The following GALNT14 variants were observed in gnomAD, a reference collection of about 807,000 sequenced individuals.
GALNT14 encodes the protein polypeptide N-acetylgalactosaminyltransferase 14, also known as UDP-GalNAc:polypeptide N-acetylgalactosaminyltransferase 14.
GALNT14 carries 60 observed loss-of-function variants against 77.5 expected under a neutral mutation model. That is an observed-to-expected ratio of 0.77 (90% CI 0.63 to 0.96). The LOEUF (loss-of-function observed/expected upper bound fraction) is 0.96, where lower values mean the gene tolerates loss of function less well. Among genes scored for constraint, GALNT14 ranks in the 40% least tolerant of loss-of-function variants. The pLI, the probability that GALNT14 is intolerant of heterozygous loss-of-function variation, is 0.00. For missense variants in GALNT14, 710 were observed against 731.0 expected (o/e 0.97, Z 0.33); for synonymous variants, 280 against 281.7 (o/e 0.99, Z 0.06).
intron 1 of GALNT14, among the ~76,000 whole-genome samples, chr2:31,061,473 C>T (rs889362767): frequency 9.9e-5 from 15 of 152,198 alleles, no homozygotes; most frequent in African/African-American, 3.6e-4. Context: ...TTTTTCCTCA[C>T]TCCAACATGC....
intron 11 of GALNT14, among the ~76,000 whole-genome samples, chr2:30,926,743 A>AG: frequency 8.3e-6 from 1 of 119,786 alleles, no homozygotes. Flanking sequence ...GGGACACCAG[A>AG]GGGGCCGGGG....
At chr2:31,005,279 T>G (rs750606627) in intron 1 of GALNT14, among the ~76,000 whole-genome samples, 1 of 151,768 alleles carries the variant, frequency 6.6e-6, no homozygotes, top group African/African-American at 2.4e-5. Flanking sequence ...TGTGTGGGGG[T>G]GGGGAGTGGA....
intron 3 of GALNT14, among the ~76,000 whole-genome samples, chr2:30,960,955 G>T (rs1056806252): frequency 5.3e-5 from 8 of 152,242 alleles, no homozygotes; most frequent in Non-Finnish European, 8.8e-5. Flanking sequence ...CTAGAACAGA[G>T]TCTTCTATAT....
chr2:31,090,923 G>A (rs1047590615), intron 1 of GALNT14, among the ~76,000 whole-genome samples: 2 of 152,194 alleles, frequency 1.3e-5, no homozygotes, highest in Non-Finnish European at 2.9e-5. Context: ...TACAAAGTGA[G>A]TACTAATTCA....
chr2:31,014,899 G>T (rs554739507), intron 1 of GALNT14, among the ~76,000 whole-genome samples: 23 of 152,314 alleles, frequency 1.5e-4, no homozygotes, highest in African/African-American at 5.3e-4. Flanking sequence ...ACATGAGACA[G>T]AAGTGTAAAT....
At chr2:30,987,114 A>C (rs1174800817) in intron 2 of GALNT14, 1 of 152,226 alleles carries the variant, frequency 6.6e-6, no homozygotes, top group Non-Finnish European at 1.5e-5. Context: ...GGATGTGCTG[A>C]AAGCCACTCA....
rs571140673 is a variant in GALNT14 at position 31,042,447 on chromosome 2, AG to A, written c.130-49441del. ...CATCTGAATTGGTGAAGAAAAAAGAAGGAGGGCTCAGACATAGTGTGGGGTC... is the reference window on the plus strand; with the variant it reads ...CATCTGAATTGGTGAAGAAAAAAGAAGAGGGCTCAGACATAGTGTGGGGTC... On this transcript the variant is annotated intron_variant, in intron 1 of 14. Coordinates refer to ENST00000349752, the MANE Select transcript of GALNT14 (RefSeq NM_024572.4). 9.4e-4 allele frequency among the ~76,000 whole-genome samples: 143 copies of A among 152,308 alleles called. 1 individual carries two copies. Among genetic ancestry groups the A allele is most frequent in the South Asian group, 1.7e-3 (8 of 4,820 alleles).
chr2:30,933,518 G>A lies in GALNT14; in HGVS notation c.932-1324C>T, dbSNP rs549897896. Among the ~76,000 whole-genome samples, 148 of 152,238 alleles carry A rather than the reference G, an allele frequency of 9.7e-4. 2 individuals are homozygous for A. In the Middle Eastern group the frequency reaches 0.027, roughly 28 times the overall value. On this transcript the variant is annotated intron_variant, in intron 9 of 14. Coordinates refer to ENST00000349752, the MANE Select transcript of GALNT14 (RefSeq NM_024572.4). ...ACCTGTCTCCTCCCACGTTTCCTTGGAAAGGCCCCTGGACTGAGGTAAGAC... is the reference window on the plus strand; with the variant it reads ...ACCTGTCTCCTCCCACGTTTCCTTGAAAAGGCCCCTGGACTGAGGTAAGAC...
intron 1 of GALNT14, among the ~76,000 whole-genome samples, chr2:31,011,447 A>C (rs1170947860): frequency 1.3e-5 from 2 of 152,094 alleles, no homozygotes; most frequent in Non-Finnish European, 2.9e-5. Flanking sequence ...TCCCACCTAT[A>C]AAATATAGGG....
In GALNT14 at chr2:31,042,231, T is replaced by C. The variant is rs1324855579; in HGVS notation, c.130-49224A>G. On this transcript the variant is annotated intron_variant, in intron 1 of 14. Transcript: ENST00000349752. The stretch of plus-strand genomic sequence containing the variant: ...TTAAATAGTTAGCTCCCCTGGTGAA[T>C]ATAAAATAGGCTTTACTATTTTTTT... Among the ~76,000 whole-genome samples, 11 of 152,342 alleles carry C rather than the reference T, an allele frequency of 7.2e-5. No individual in the cohort carries two copies. The East Asian group carries it at 1.9e-3, about 27-fold the overall frequency.
At chr2:30,914,199 T>C (rs1664534446) in intron 13 of GALNT14, among the ~76,000 whole-genome samples, 1 of 152,216 alleles carries the variant, frequency 6.6e-6, no homozygotes, top group East Asian at 1.9e-4. Context: ...ATCCTCATTT[T>C]ATAGATGATG....
intron 8 of GALNT14, among the ~76,000 whole-genome samples, chr2:30,942,818 T>A (rs1265983478): frequency 2.0e-5 from 3 of 152,136 alleles, no homozygotes; most frequent in Non-Finnish European, 2.9e-5. Flanking sequence ...TATGCCTCTG[T>A]TATGGGTTGA....
intron 7 of GALNT14, 49 bp downstream of exon 7, chr2:30,945,734 G>C (rs770104234): frequency 6.9e-7 from 1 of 1,449,798 alleles, no homozygotes; most frequent in South Asian, 1.1e-5. Flanking sequence ...AGCAGTGACT[G>C]AGAGGAAAAG....
intron 1 of GALNT14, among the ~76,000 whole-genome samples, chr2:31,031,054 A>G (rs1280743015): frequency 2.6e-5 from 4 of 152,198 alleles, no homozygotes; most frequent in East Asian, 1.9e-4. Context: ...CCAATTGTAC[A>G]ATTCGAATAT....
intron 1 of GALNT14, among the ~76,000 whole-genome samples, chr2:30,996,239 A>C (rs1670022174): frequency 6.6e-6 from 1 of 152,234 alleles, no homozygotes; most frequent in African/African-American, 2.4e-5. Context: ...GAGAAAAAAA[A>C]TCTGTTCAGG....
chr2:30,892,135 G>A, the GALNT14 span, among the ~76,000 whole-genome samples: 1 of 152,122 alleles, frequency 6.6e-6, no homozygotes, highest in Non-Finnish European at 1.5e-5. Context: ...TTGTTTTAGT[G>A]TCTTGTTCTT....
intron 1 of GALNT14, among the ~76,000 whole-genome samples, chr2:31,069,073 T>C (rs759898342): frequency 3.9e-5 from 6 of 152,186 alleles, no homozygotes; most frequent in Non-Finnish European, 7.3e-5. Context: ...AAAATTAGAT[T>C]ATGTGCTTGT....
chr2:31,114,450 A>G (rs1207572026), intron 1 of GALNT14, among the ~76,000 whole-genome samples: 1 of 152,234 alleles, frequency 6.6e-6, no homozygotes, highest in East Asian at 1.9e-4. Flanking sequence ...TGAACAAGAA[A>G]GACTTTCTGG....
At chr2:30,930,861 C>A (rs1665684867) in intron 10 of GALNT14, among the ~76,000 whole-genome samples, 1 of 152,226 alleles carries the variant, frequency 6.6e-6, no homozygotes, top group Non-Finnish European at 1.5e-5. Context: ...ACATCTGTGC[C>A]ACAATCTTCT....
Sources: allele counts gnomAD v4.1 joint callset (sites outside exome capture counted in the v4.1 genomes callset), GRCh38; gene constraint gnomAD v4.1.1; transcripts MANE v1.5; gene names NCBI Gene and HGNC (gene_info 2026-07-23, HGNC 2026-07-21).